KCNQ1: variants seen among roughly 807,000 people sequenced by gnomAD.
KCNQ1 encodes the protein potassium voltage-gated channel subfamily Q member 1.
A neutral mutation model predicts 72.4 loss-of-function variants in KCNQ1; 49 were observed. The observed-to-expected ratio is 0.68, with a 90% CI of 0.54 to 0.86. The LOEUF is 0.86. Ranked by LOEUF, KCNQ1 falls within the 40% of genes least tolerant of loss-of-function variation. KCNQ1 has a pLI of 0.00. For synonymous variants in KCNQ1, 450 were observed against 412.6 expected, an observed-to-expected ratio of 1.09 and a Z score of -1.10; for missense variants, 790 against 945.1, an observed-to-expected ratio of 0.84 and a Z score of 2.15.
rs894724677 is a variant in KCNQ1 at position 2,712,307 on chromosome 11, A to G, written c.1514+50226A>G. On this transcript the variant is annotated intron_variant, in intron 11 of 15. Transcript: ENST00000155840. This position sits in a 1 kb window ranked among gnomAD's most constrained non-coding sequence, Gnocchi z 6.4. Reference sequence around the variant, plus strand: ...ACACTGGTGACCCCTGCCTGGGGGAAGCAGACTCTAGCTGGGCAGCCTGGC... The same window carrying G: ...ACACTGGTGACCCCTGCCTGGGGGAGGCAGACTCTAGCTGGGCAGCCTGGC... Among the ~76,000 whole-genome samples, 3 of 152,016 alleles carry G rather than the reference A, an allele frequency of 2.0e-5. No homozygotes were observed. The highest frequency in any genetic ancestry group is 7.2e-5 in the African/African-American group (3 of 41,390).
rs1374865412 is a variant in KCNQ1, at chr11:2,491,106, T to C, written c.387-36822T>C. Among the ~76,000 whole-genome samples, 1 of 152,218 alleles carries C rather than the reference T, an allele frequency of 6.6e-6. No homozygotes were observed. Among genetic ancestry groups the C allele is most frequent in the Non-Finnish European group, 1.5e-5 (1 of 68,042 alleles). ...CTTAGATCACAACACCCAAGTCCCT[T>C]TGAATACCTGGAAAGCTTTACCAAG... On this transcript the variant is annotated intron_variant, in intron 1 of 15. Transcript: ENST00000155840. The surrounding 1 kb of genome is among the most constrained non-coding windows in gnomAD (Gnocchi z 4.1).
chr11:2,846,630 C>T (rs1848333728), intron 15 of KCNQ1, among the ~76,000 whole-genome samples: 1 of 152,236 alleles, frequency 6.6e-6, no homozygotes, highest in Admixed American at 6.5e-5. Flanking sequence ...CTGCTCCACC[C>T]AGCACCTGCT....
rs57775947 is a variant in KCNQ1, at chr11:2,626,703, A to AT, written c.1394-35252dup. The AT allele has an allele frequency of 0.021, 8,520 of 398,120 alleles. 539 individuals are homozygous for AT. The highest frequency in any genetic ancestry group is 0.15 in the African/African-American group (7,164 of 48,542). The allele number at this position is 398,120 out of a possible 1,614,324, so 24.7% of individuals were successfully genotyped here. A position where few individuals can be genotyped will look rare whatever the true frequency, so the allele number is the denominator to read the frequency against. On this transcript the variant is annotated intron_variant, in intron 10 of 15. Coordinates refer to ENST00000155840, the MANE Select transcript of KCNQ1 (RefSeq NM_000218.3). The surrounding 1 kb of genome is among the most constrained non-coding windows in gnomAD (Gnocchi z 4.0). ...ACCATTACACCTGGCCAATTATTTT[A>AT]TTTTTTGTAGAGATGAGGTCTCCCT...
At position 2,488,878 on chromosome 11, in the gene KCNQ1, C is replaced by T. The variant is rs1016329316; in HGVS notation, c.387-39050C>T. Among the ~76,000 whole-genome samples the T allele has an allele frequency of 2.6e-5, 4 of 152,074 alleles. No homozygotes were observed. The highest frequency in any genetic ancestry group is 5.9e-5 in the Non-Finnish European group (4 of 68,002). On this transcript the variant is annotated intron_variant, in intron 1 of 15. Coordinates refer to ENST00000155840, the MANE Select transcript of KCNQ1 (RefSeq NM_000218.3). This position sits in a 1 kb window ranked among gnomAD's most constrained non-coding sequence, Gnocchi z 5.1. ...TGCTGTGGTATTTATTATCTTCTTTCTTCTGCTAGCTTTGGGTTTAGTTCT... is the reference window on the plus strand; with the variant it reads ...TGCTGTGGTATTTATTATCTTCTTTTTTCTGCTAGCTTTGGGTTTAGTTCT...
chr11:2,825,195 C>T (rs941356216), intron 15 of KCNQ1, among the ~76,000 whole-genome samples: 7 of 148,354 alleles, frequency 4.7e-5, no homozygotes, highest in Admixed American at 1.3e-4. Flanking sequence ...GGCTGGGGCC[C>T]GGCTTCCCCG....
intron 1 of KCNQ1, among the ~76,000 whole-genome samples, chr11:2,514,821 G>A (rs140012788): frequency 5.7e-4 from 87 of 152,292 alleles, no homozygotes; most frequent in African/African-American, 1.9e-3. Context: ...GCCAGACTCC[G>A]TCTCGAAAAG....
At chr11:2,640,260 T>C (rs978931932) in intron 10 of KCNQ1, 2 of 397,190 alleles carry the variant, frequency 5.0e-6, no homozygotes, top group Non-Finnish European at 8.9e-6. Flanking sequence ...ACCCACTACC[T>C]CAGTTGGAAA....
rs773966802 is a variant in KCNQ1, at chr11:2,445,119, G to A, written c.21G>A (p.Pro7=). The part of the protein sequence containing the change: MAAASS[P]PRAERKRWGW... ...TCGTTATGGCCGCGGCCTCCTCCCC[G>A]CCCAGGGCCGAGAGGAAGCGCTGGG... Residue 7 remains proline (P), a synonymous_variant, in exon 1 of 16, where the codon CCG becomes CCA. Coordinates refer to ENST00000155840, the MANE Select transcript of KCNQ1 (RefSeq NM_000218.3). 4 of 1,105,148 alleles carry A rather than the reference G, an allele frequency of 3.6e-6. No homozygotes were observed. The highest frequency in any genetic ancestry group is 5.2e-5 in the East Asian group (1 of 19,364). The allele number at this position is 1,105,148 out of a possible 1,614,324, so 68.5% of individuals were successfully genotyped here.
In KCNQ1 at chr11:2,457,758, T is replaced by C. The variant is rs374552797; in HGVS notation, c.386+12274T>C. On this transcript the variant is annotated intron_variant, in intron 1 of 15. Transcript: ENST00000155840. The surrounding 1 kb of genome is among the most constrained non-coding windows in gnomAD (Gnocchi z 5.0). ...TATACCTTTGTGACAAACCTGCACT[T>C]GTACCTCCTGAACCTATTAAAAAAG... 6.6e-6 allele frequency among the ~76,000 whole-genome samples: 1 copy of C among 151,680 alleles called. No individual in the cohort carries two copies. Among genetic ancestry groups the C allele is most frequent in the Admixed American group, 6.6e-5 (1 of 15,236 alleles).
intron 6 of KCNQ1, 80 bp from the exon 7 acceptor site, chr11:2,583,355 G>A: frequency 1.1e-6 from 1 of 946,588 alleles, no homozygotes; most frequent in East Asian, 2.4e-5. Context: ...GCTCATCAGA[G>A]TGGTGGGTTT....
In KCNQ1 at chr11:2,463,520, C is replaced by T. The variant is rs1846308489; in HGVS notation, c.386+18036C>T. 6.6e-6 allele frequency among the ~76,000 whole-genome samples: 1 copy of T among 152,136 alleles called. No homozygotes were observed. The highest frequency in any genetic ancestry group is 6.5e-5 in the Admixed American group (1 of 15,286). ...CTTCGGTCCCCTGGACAGGCTCCACCTCCCTCTTATCGTGGCCCCTTTGGC... is the reference window on the plus strand; with the variant it reads ...CTTCGGTCCCCTGGACAGGCTCCACTTCCCTCTTATCGTGGCCCCTTTGGC... On this transcript the variant is annotated intron_variant, in intron 1 of 15. Transcript: ENST00000155840. This position sits in a 1 kb window ranked among gnomAD's most constrained non-coding sequence, Gnocchi z 7.0.
chr11:2,675,623 C>T, intron 11 of KCNQ1: 1 of 398,602 alleles, frequency 2.5e-6, no homozygotes, highest in Non-Finnish European at 4.4e-6. Flanking sequence ...TGGAGAGCAC[C>T]CCTTATTAGA....
intron 2 of KCNQ1, among the ~76,000 whole-genome samples, chr11:2,529,325 C>T (rs1304041600): frequency 3.9e-5 from 6 of 152,098 alleles, no homozygotes; most frequent in East Asian, 1.9e-4. Flanking sequence ...CTTTCTTTTT[C>T]GGGGGTTTCC....
chr11:2,516,186 G>T lies in KCNQ1; in HGVS notation c.387-11742G>T, dbSNP rs779399884. Among the ~76,000 whole-genome samples the T allele has an allele frequency of 2.0e-5, 3 of 152,112 alleles. No homozygotes were observed. The highest frequency in any genetic ancestry group is 4.4e-5 in the Non-Finnish European group (3 of 68,022). ...TGCTGTCAGGGAGACCCGGAGTCCA[G>T]TTCTCGCCAACCGCTCGATGCTGTG... On this transcript the variant is annotated intron_variant, in intron 1 of 15. Coordinates refer to ENST00000155840, the MANE Select transcript of KCNQ1 (RefSeq NM_000218.3). The surrounding 1 kb of genome is among the most constrained non-coding windows in gnomAD (Gnocchi z 7.0).
At chr11:2,792,113 C>T (rs529952208) in intron 15 of KCNQ1, among the ~76,000 whole-genome samples, 1 of 152,314 alleles carries the variant, frequency 6.6e-6, no homozygotes, top group South Asian at 2.1e-4. Context: ...TTCATGCCTT[C>T]CCGGGTCCCT....
chr11:2,825,795 G>GGAC (rs1198678794), intron 15 of KCNQ1, among the ~76,000 whole-genome samples: 1 of 152,218 alleles, frequency 6.6e-6, no homozygotes, highest in East Asian at 1.9e-4. Context: ...GTAACGGACT[G>GGAC]GACCAGCGCG....
chr11:2,643,397 G>A (rs1849609733), intron 10 of KCNQ1: 1 of 398,344 alleles, frequency 2.5e-6, no homozygotes, highest in African/African-American at 2.1e-5. Context: ...TGATCCCTCT[G>A]TCACTATATA....
chr11:2,630,880 T>G, intron 10 of KCNQ1: 1 of 398,538 alleles, frequency 2.5e-6, no homozygotes, highest in Non-Finnish European at 4.4e-6. Flanking sequence ...GTTTTTTATC[T>G]TTCAGAACTT....
At chr11:2,610,353 C>T in intron 10 of KCNQ1, 1 of 398,064 alleles carries the variant, frequency 2.5e-6, no homozygotes, top group Middle Eastern at 6.3e-4. Context: ...AATGATCATA[C>T]TATATAATGA....
Sources: gnomAD v4.1 joint callset for allele counts (sites outside exome capture counted in the v4.1 genomes callset) on GRCh38, gnomAD v4.1.1 for gene constraint, Gnocchi (gnomAD v3.1) non-coding constraint, MANE v1.5 for transcripts, NCBI Gene and HGNC (gene_info 2026-07-23, HGNC 2026-07-21) for gene names.